COTL1: variants seen among roughly 807,000 people sequenced by gnomAD.
COTL1 encodes coactosin-like protein.
COTL1 carries 15 observed loss-of-function variants against 16.5 expected under a neutral mutation model. The ratio of observed to expected loss-of-function variants is 0.91; its 90% confidence interval spans 0.61 to 1.40. The LOEUF is 1.40. Among genes scored for constraint, COTL1 ranks in the 40% most tolerant of loss-of-function variants. The pLI is 0.00. For missense variants in COTL1, 220 were observed against 201.5 expected, an observed-to-expected ratio of 1.09 and a Z score of -0.56; for synonymous variants, 112 against 85.3, an observed-to-expected ratio of 1.31 and a Z score of -1.73.
chr16:84,593,890 A>G (rs1597177797), intron 2 of COTL1, among the ~76,000 whole-genome samples: 1 of 152,032 alleles, frequency 6.6e-6, no homozygotes, highest in Admixed American at 6.6e-5. Flanking sequence ...CACCACTCCA[A>G]CGAGAACTCC....
chr16:84,587,906 G>T (rs944050367), intron 3 of COTL1, among the ~76,000 whole-genome samples: 13 of 151,926 alleles, frequency 8.6e-5, no homozygotes, highest in Non-Finnish European at 1.6e-4. Flanking sequence ...TGAGTAGGTG[G>T]GATTACAGGT....
chr16:84,598,742 G>A (rs1463868594), intron 2 of COTL1, among the ~76,000 whole-genome samples: 1 of 149,610 alleles, frequency 6.7e-6, no homozygotes, highest in Non-Finnish European at 1.5e-5. Context: ...GACAGTGGGG[G>A]TGGGAAGGAC....
At chr16:84,604,544 C>A (rs1360210741) in intron 2 of COTL1, among the ~76,000 whole-genome samples, 4 of 152,014 alleles carry the variant, frequency 2.6e-5, no homozygotes, top group Non-Finnish European at 5.9e-5. Context: ...GCCCAGCAGA[C>A]CGTGAGTGCT....
chr16:84,610,391 C>G (rs1056116974), intron 2 of COTL1, among the ~76,000 whole-genome samples: 2 of 152,232 alleles, frequency 1.3e-5, no homozygotes, highest in Non-Finnish European at 2.9e-5. Flanking sequence ...TGTCTCCACT[C>G]CCACCACCAG....
At chr16:84,597,950 T>C (rs1003748541) in intron 2 of COTL1, among the ~76,000 whole-genome samples, 1 of 152,196 alleles carries the variant, frequency 6.6e-6, no homozygotes, top group African/African-American at 2.4e-5. Context: ...TTTCTGCCTG[T>C]GCTGCCTCTA....
chr16:84,567,098 A>C (rs564346497), intron 3 of COTL1, 143 bp from the exon 4 acceptor site: 1 of 612,344 alleles, frequency 1.6e-6, no homozygotes, highest in Non-Finnish European at 2.9e-6. Context: ...AGAGTCAGTC[A>C]ATGGAAATTC....
chr16:84,582,336 G>C (rs1277686060), intron 3 of COTL1, among the ~76,000 whole-genome samples: 1 of 152,130 alleles, frequency 6.6e-6, no homozygotes. Context: ...CAGAGATGCA[G>C]TCTCACAATG....
intron 2 of COTL1, among the ~76,000 whole-genome samples, chr16:84,602,748 G>A (rs140003484): frequency 6.6e-6 from 1 of 151,970 alleles, no homozygotes; most frequent in Admixed American, 6.6e-5. Context: ...CCAGCTACTC[G>A]GGAGGCTGAC....
At chr16:84,569,397 A>G (rs1422242996) in intron 3 of COTL1, among the ~76,000 whole-genome samples, 1 of 152,082 alleles carries the variant, frequency 6.6e-6, no homozygotes, top group Non-Finnish European at 1.5e-5. Flanking sequence ...AAAAACAAAA[A>G]AGTCGCCATA....
At chr16:84,573,831 T>G (rs551142963) in intron 3 of COTL1, among the ~76,000 whole-genome samples, 3 of 151,814 alleles carry the variant, frequency 2.0e-5, no homozygotes, top group African/African-American at 7.2e-5. Context: ...TGCGTTTTAC[T>G]CTATGTAAAT....
chr16:84,606,757 G>C (rs1223472888), intron 2 of COTL1, among the ~76,000 whole-genome samples: 3 of 152,202 alleles, frequency 2.0e-5, no homozygotes, highest in African/African-American at 7.2e-5. Flanking sequence ...ATAAGAGTCG[G>C]TGGCTACGTG....
rs371812172 is a variant in COTL1, at chr16:84,616,504, A to AAAATAAATAAATAAATAAATAAAT, written c.160+973_160+996dup. 7.9e-3 allele frequency: 1,189 copies of AAAATAAATAAATAAATAAATAAAT among 150,120 alleles called. 16 individuals carry two copies. The highest frequency in any genetic ancestry group is 0.028 in the African/African-American group (1,123 of 40,334). The allele number at this position is 150,120 out of a possible 1,614,324, so 9.3% of individuals were successfully genotyped here. A position where few individuals can be genotyped will look rare whatever the true frequency, so the allele number is the denominator to read the frequency against. ...GGCAAAAGAGGAAGATTCTGTCTCA[A>AAAATAAATAAATAAATAAATAAAT]AAATAAATAAATAAATAAATAAATA... On this transcript the variant is annotated intron_variant, in intron 2 of 3. Coordinates refer to ENST00000262428, the MANE Select transcript of COTL1 (RefSeq NM_021149.5).
At chr16:84,602,206 G>A (rs1358568880) in intron 2 of COTL1, among the ~76,000 whole-genome samples, 2 of 106,268 alleles carry the variant, frequency 1.9e-5, no homozygotes, top group Admixed American at 9.3e-5. Context: ...GTTCAATGGG[G>A]GTGGGGGGGG....
intron 2 of COTL1, among the ~76,000 whole-genome samples, chr16:84,598,807 G>C (rs1000985529): frequency 1.0e-4 from 15 of 144,698 alleles, no homozygotes; most frequent in African/African-American, 3.2e-4. Flanking sequence ...GGGGCGGCGG[G>C]GACCAAGCGG....
chr16:84,617,684 G>C lies in COTL1; in HGVS notation c.78-101C>G, dbSNP rs555697507. On this transcript the variant is annotated intron_variant, in intron 1 of 3. Transcript: ENST00000262428. The stretch of plus-strand genomic sequence containing the variant: ...CAATCTAACAGACGCGCTGGCCACG[G>C]AGAAGCCCGCGGGGGCCTGGCACGC... 4.3e-6 allele frequency: 6 copies of C among 1,411,176 alleles called. No individual in the cohort carries two copies. The Admixed American group carries it at 6.0e-5, about 14-fold the overall frequency. 87.4% of individuals were successfully genotyped at this position (1,411,176 alleles called of 1,614,324 possible). A position where few individuals can be genotyped will look rare whatever the true frequency, so the allele number is the denominator to read the frequency against.
chr16:84,593,581 G>A (rs12921918), intron 2 of COTL1, among the ~76,000 whole-genome samples: 2 of 150,238 alleles, frequency 1.3e-5, no homozygotes, highest in African/African-American at 2.5e-5. Flanking sequence ...GCGCGATCTC[G>A]GCTCACTGCA....
chr16:84,610,506 T>C (rs1905298581), intron 2 of COTL1, among the ~76,000 whole-genome samples: 1 of 152,148 alleles, frequency 6.6e-6, no homozygotes. Context: ...CAGAGAAAGA[T>C]AAAAAGACTC....
chr16:84,601,653 A>T (rs541154257), intron 2 of COTL1, among the ~76,000 whole-genome samples: 2 of 152,244 alleles, frequency 1.3e-5, no homozygotes, highest in East Asian at 3.9e-4. Context: ...ACCAGGTTTC[A>T]CCATGTTGGC....
Position 84,617,837 on chromosome 16 carries a change from C to T in COTL1, c.77+1G>A, listed in dbSNP as rs1408769239. 1 of 1,571,862 alleles carries T rather than the reference C, an allele frequency of 6.4e-7. No homozygotes were observed. On this transcript the variant is annotated splice_donor_variant, in intron 1 of 3. Coordinates refer to ENST00000262428, the MANE Select transcript of COTL1 (RefSeq NM_021149.5). LOFTEE classifies it high-confidence loss of function. ...CGTGGAGACGAATGAAAAGTTCCTACCAGATGACGGCCGAGCCGTCGTCGC... is the reference window on the plus strand; with the variant it reads ...CGTGGAGACGAATGAAAAGTTCCTATCAGATGACGGCCGAGCCGTCGTCGC...
Sources: gnomAD v4.1 joint callset for allele counts (sites outside exome capture counted in the v4.1 genomes callset) on GRCh38, gnomAD v4.1.1 for gene constraint, MANE v1.5 for transcripts, NCBI Gene and HGNC (gene_info 2026-07-23, HGNC 2026-07-21) for gene names.